Variants in HS6ST3 observed in about 807,000 individuals in gnomAD.
The protein encoded by HS6ST3 is heparan sulfate 6-O-sulfotransferase 3.
A neutral mutation model predicts 36.7 loss-of-function variants in HS6ST3; 12 were observed. The ratio of observed to expected loss-of-function variants is 0.33; its 90% confidence interval spans 0.21 to 0.53. The LOEUF is 0.53. Ranked by LOEUF, HS6ST3 falls within the 20% of genes least tolerant of loss-of-function variation. The pLI is 0.95. For missense variants in HS6ST3, 584 were observed against 640.9 expected (o/e 0.91, Z 0.96); for synonymous variants, 240 against 257.5 (o/e 0.93, Z 0.65).
chr13:96,237,874 A>G (rs1338330775), intron 1 of HS6ST3, among the ~76,000 whole-genome samples: 1 of 151,986 alleles, frequency 6.6e-6, no homozygotes, highest in African/African-American at 2.4e-5. Flanking sequence ...ATCTCACTCG[A>G]TGACTTTTCA....
At chr13:96,641,954 T>A (rs975874924) in intron 1 of HS6ST3, among the ~76,000 whole-genome samples, 1 of 151,832 alleles carries the variant, frequency 6.6e-6, no homozygotes, top group Non-Finnish European at 1.5e-5. Context: ...TATCTTTTTT[T>A]AAATGTACCT....
intron 1 of HS6ST3, chr13:96,573,839 T>A: frequency 2.4e-6 from 1 of 421,390 alleles, no homozygotes; most frequent in East Asian, 6.1e-5. Context: ...GACCTGGAAG[T>A]GCTCCCATCA....
intron 1 of HS6ST3, among the ~76,000 whole-genome samples, chr13:96,399,790 A>T (rs1381431339): frequency 6.6e-6 from 1 of 152,238 alleles, no homozygotes; most frequent in African/African-American, 2.4e-5. Context: ...CAACTGAAAG[A>T]CATAAGTTTA....
intron 1 of HS6ST3, among the ~76,000 whole-genome samples, chr13:96,162,576 C>T (rs572240729): frequency 1.6e-3 from 251 of 152,128 alleles, no homozygotes; most frequent in African/African-American, 2.4e-3. Context: ...AACACAGAGG[C>T]GATACTTGAA....
chr13:96,092,267 A>C (rs2053768686), intron 1 of HS6ST3, among the ~76,000 whole-genome samples: 1 of 152,226 alleles, frequency 6.6e-6, no homozygotes, highest in African/African-American at 2.4e-5. Flanking sequence ...AAAGTATGTT[A>C]AATGCCTACA....
At chr13:96,800,724 G>A (rs558832653) in intron 1 of HS6ST3, among the ~76,000 whole-genome samples, 31 of 151,566 alleles carry the variant, frequency 2.0e-4, no homozygotes, top group Non-Finnish European at 3.1e-4. Context: ...GAGATCCTAC[G>A]AATGCCAGAT....
chr13:96,133,822 A>C (rs1006234835), intron 1 of HS6ST3, among the ~76,000 whole-genome samples: 9 of 144,230 alleles, frequency 6.2e-5, no homozygotes, highest in African/African-American at 2.3e-4. Context: ...CATTGTCCAG[A>C]GCAACTCTTT....
At chr13:96,506,051 T>A (rs1251162535) in intron 1 of HS6ST3, among the ~76,000 whole-genome samples, 1 of 152,162 alleles carries the variant, frequency 6.6e-6, no homozygotes, top group East Asian at 1.9e-4. Flanking sequence ...AGGAAGTTTC[T>A]TATTCATTTT....
rs1209849943 is a variant in HS6ST3 at position 96,442,025 on chromosome 13, GT to G, written c.707+350470del. ...GTGGGCTGATCAGAATGATAATATA[GT>G]TTTTTTTTTTTTTCAGACAGAGTCT... On this transcript the variant is annotated intron_variant, in intron 1 of 1. Transcript: ENST00000376705. Among the ~76,000 whole-genome samples the G allele has an allele frequency of 3.1e-3, 444 of 143,322 alleles. 1 individual carries two copies. Among genetic ancestry groups the G allele is most frequent in the African/African-American group, 7.2e-3 (284 of 39,310 alleles). The allele number at this position is 143,322 out of a possible 152,430, so 94.0% of individuals were successfully genotyped here.
intron 1 of HS6ST3, among the ~76,000 whole-genome samples, chr13:96,127,012 C>T (rs1022192079): frequency 6.6e-6 from 1 of 152,126 alleles, no homozygotes; most frequent in Non-Finnish European, 1.5e-5. Flanking sequence ...ATTTAGCTAC[C>T]ATTTCGGCCA....
intron 1 of HS6ST3, among the ~76,000 whole-genome samples, chr13:96,115,230 G>A (rs892115401): frequency 2.0e-5 from 3 of 152,140 alleles, no homozygotes; most frequent in Admixed American, 2.0e-4. Context: ...ATACTTCCAA[G>A]TGGCAGAAAT....
intron 1 of HS6ST3, among the ~76,000 whole-genome samples, chr13:96,688,326 G>A (rs529343645): frequency 2.6e-5 from 4 of 151,848 alleles, no homozygotes; most frequent in Non-Finnish European, 5.9e-5. Context: ...CCAAGGGAGC[G>A]TGGATGAATG....
At chr13:96,780,897 A>T (rs560120917) in intron 1 of HS6ST3, among the ~76,000 whole-genome samples, 1 of 151,806 alleles carries the variant, frequency 6.6e-6, no homozygotes, top group East Asian at 1.9e-4. Flanking sequence ...GCCCAATCAA[A>T]CAGCAGCAGC....
At chr13:96,664,354 C>A (rs1222167336) in intron 1 of HS6ST3, among the ~76,000 whole-genome samples, 2 of 152,162 alleles carry the variant, frequency 1.3e-5, no homozygotes, top group African/African-American at 4.8e-5. Flanking sequence ...TCATCATCGT[C>A]ATCACTGTAA....
intron 1 of HS6ST3, among the ~76,000 whole-genome samples, chr13:96,796,705 A>G (rs1053162053): frequency 3.9e-5 from 6 of 152,108 alleles, no homozygotes; most frequent in Non-Finnish European, 7.4e-5. Flanking sequence ...ATTGTCAAAA[A>G]TAGGATTAGG....
chr13:96,160,478 T>C (rs572909270), intron 1 of HS6ST3, among the ~76,000 whole-genome samples: 3 of 152,312 alleles, frequency 2.0e-5, no homozygotes, highest in African/African-American at 7.2e-5. Flanking sequence ...GGTAAAGAGA[T>C]CCAAGCTGTC....
At chr13:96,537,920 G>T (rs572200927) in intron 1 of HS6ST3, among the ~76,000 whole-genome samples, 1 of 152,312 alleles carries the variant, frequency 6.6e-6, no homozygotes, top group South Asian at 2.1e-4. Context: ...CAGGTGGACA[G>T]TGATGGTTTC....
At chr13:96,267,909 C>T (rs780521590) in intron 1 of HS6ST3, among the ~76,000 whole-genome samples, 2 of 151,864 alleles carry the variant, frequency 1.3e-5, no homozygotes, top group African/African-American at 4.9e-5. Flanking sequence ...AACAGATTCT[C>T]ACCTAAACAC....
At chr13:96,428,692 G>A (rs567414209) in intron 1 of HS6ST3, among the ~76,000 whole-genome samples, 9 of 152,238 alleles carry the variant, frequency 5.9e-5, no homozygotes, top group Admixed American at 4.6e-4. Flanking sequence ...GAATTTGGGG[G>A]TGGCAATTCA....
Sources: allele counts gnomAD v4.1 joint callset (sites outside exome capture counted in the v4.1 genomes callset), GRCh38; gene constraint gnomAD v4.1.1; transcripts MANE v1.5; gene names NCBI Gene and HGNC (gene_info 2026-07-23, HGNC 2026-07-21).